GCSAML: variants seen among roughly 807,000 people sequenced by gnomAD.
GCSAML encodes the protein germinal center associated signaling and motility like.
A neutral mutation model predicts 13.0 loss-of-function variants in GCSAML; 9 were observed. The observed-to-expected ratio is 0.69, with a 90% CI of 0.42 to 1.21. The LOEUF (loss-of-function observed/expected upper bound fraction) is 1.21. Among genes scored for constraint, GCSAML ranks in the 50% most tolerant of loss-of-function variants. The pLI is 0.00. For missense variants in GCSAML, 143 were observed against 153.4 expected, an observed-to-expected ratio of 0.93 and a Z score of 0.36; for synonymous variants, 37 against 52.9, an observed-to-expected ratio of 0.70 and a Z score of 1.31.
chr1:247,513,659 T>C (rs1035513507), intron 1 of GCSAML, among the ~76,000 whole-genome samples: 3 of 152,238 alleles, frequency 2.0e-5, no homozygotes, highest in Non-Finnish European at 4.4e-5. Context: ...GGGAATCTCC[T>C]GGTCTGCAGG....
chr1:247,510,168 C>T (rs996908154), intron 1 of GCSAML, among the ~76,000 whole-genome samples: 1 of 152,156 alleles, frequency 6.6e-6, no homozygotes, highest in African/African-American at 2.4e-5. Context: ...TAATTACTGC[C>T]TCAATTTGAG....
At chr1:247,540,746 C>T (rs1475708643) in intron 2 of GCSAML, among the ~76,000 whole-genome samples, 2 of 152,174 alleles carry the variant, frequency 1.3e-5, no homozygotes, top group Non-Finnish European at 2.9e-5. Flanking sequence ...CTTTCTGCAA[C>T]GCGTCAGAAG....
At chr1:247,534,970 A>G (rs921603007) in intron 2 of GCSAML, among the ~76,000 whole-genome samples, 1 of 152,098 alleles carries the variant, frequency 6.6e-6, no homozygotes, top group Admixed American at 6.5e-5. Flanking sequence ...GGAAGCATTA[A>G]TACTATGGGA....
intron 2 of GCSAML, among the ~76,000 whole-genome samples, chr1:247,560,507 A>C (rs939660555): frequency 1.3e-5 from 2 of 152,016 alleles, no homozygotes; most frequent in Admixed American, 6.6e-5. Flanking sequence ...CATTTTCCCC[A>C]TGAAAGTTTG....
Position 247,560,855 on chromosome 1 carries a change from G to T in GCSAML, c.90-2735G>T, listed in dbSNP as rs571305317. The stretch of plus-strand genomic sequence containing the variant: ...CATATCTCAGTGTTCCATGCCATTT[G>T]TTTTTTCCCCTGTGAAGTCGGTTTT... On this transcript the variant is annotated intron_variant, in intron 2 of 4. Transcript: ENST00000366488. Among the ~76,000 whole-genome samples, 3 of 152,178 alleles carry T rather than the reference G, an allele frequency of 2.0e-5. No homozygotes were observed. In the South Asian group the frequency reaches 6.2e-4, roughly 32 times the overall value.
intron 2 of GCSAML, among the ~76,000 whole-genome samples, chr1:247,560,095 G>T (rs1030535774): frequency 1.3e-5 from 2 of 152,218 alleles, no homozygotes; most frequent in Non-Finnish European, 2.9e-5. Flanking sequence ...ACAGCATGCA[G>T]AATTGTTCCA....
chr1:247,538,817 G>A (rs1372004455), intron 2 of GCSAML: 10 of 450,998 alleles, frequency 2.2e-5, no homozygotes, highest in South Asian at 9.5e-5. Flanking sequence ...TCTGTTGCCC[G>A]CCACCACCCA....
chr1:247,511,209 G>T (rs1234507598), intron 1 of GCSAML, among the ~76,000 whole-genome samples: 4 of 152,082 alleles, frequency 2.6e-5, no homozygotes, highest in Non-Finnish European at 4.4e-5. Context: ...CTCCTATATT[G>T]GGTGCATATA....
At chr1:247,511,404 T>C (rs1392216717) in intron 1 of GCSAML, among the ~76,000 whole-genome samples, 1 of 152,210 alleles carries the variant, frequency 6.6e-6, no homozygotes, top group African/African-American at 2.4e-5. Context: ...TGAGCTTATG[T>C]GTGTCTTTGC....
chr1:247,574,089 T>A, intron 4 of GCSAML, 54 bp from the exon 5 acceptor site: 9 of 1,599,728 alleles, frequency 5.6e-6, no homozygotes, highest in Non-Finnish European at 6.8e-6. Context: ...TACACTGAGT[T>A]CAATTTATGA....
rs1368448750 is a variant in GCSAML, at chr1:247,527,097, G to C, written c.-148+43G>C. ...AGTGTATTTCCTTGGGTTCTGGAGA[G>C]GATGTCTTCATTTTCTGTTAAGCAT... On this transcript the variant is annotated intron_variant, in intron 2 of 5. Transcript: ENST00000366489. The surrounding 1 kb of genome is among the most constrained non-coding windows in gnomAD (Gnocchi z 4.6). The C allele has an allele frequency of 4.4e-6, 2 of 455,922 alleles. No homozygotes were observed. Among genetic ancestry groups the C allele is most frequent in the African/African-American group, 4.0e-5 (2 of 50,024 alleles). The allele number at this position is 455,922 out of a possible 1,614,324, so 28.2% of individuals were successfully genotyped here.
intron 3 of GCSAML, among the ~76,000 whole-genome samples, chr1:247,565,077 C>T (rs1176166): frequency 0.37 from 56,440 of 151,982 alleles, 11,716 homozygotes; most frequent in East Asian, 0.79. Flanking sequence ...AGTGAACAGA[C>T]GGCTGGGCCC....
At chr1:247,570,805 G>A (rs1668577559) in intron 4 of GCSAML, among the ~76,000 whole-genome samples, 1 of 152,076 alleles carries the variant, frequency 6.6e-6, no homozygotes, top group Admixed American at 6.5e-5. Flanking sequence ...ATTGACAGTG[G>A]GGTGTTAAAA....
intron 2 of GCSAML, chr1:247,528,103 T>C (rs1422471736): frequency 6.6e-6 from 1 of 152,180 alleles, no homozygotes. Context: ...GTCAGTAACT[T>C]GATTTCCTAC....
chr1:247,540,747 G>A (rs1374247566), intron 2 of GCSAML, among the ~76,000 whole-genome samples: 1 of 152,198 alleles, frequency 6.6e-6, no homozygotes, highest in African/African-American at 2.4e-5. Flanking sequence ...TTTCTGCAAC[G>A]CGTCAGAAGG....
intron 4 of GCSAML, among the ~76,000 whole-genome samples, chr1:247,568,978 G>A (rs1386100861): frequency 7.4e-6 from 1 of 135,674 alleles, no homozygotes; most frequent in Non-Finnish European, 1.6e-5. Context: ...AATTGTGAAT[G>A]GGAGTCCACT....
At chr1:247,522,267 C>T (rs1398261433) in intron 1 of GCSAML, among the ~76,000 whole-genome samples, 2 of 121,106 alleles carry the variant, frequency 1.7e-5, no homozygotes, top group African/African-American at 3.1e-5. Flanking sequence ...CAGCCCCCAC[C>T]CGGCTAGCCG....
chr1:247,526,870 A>G lies in GCSAML; in HGVS notation c.-262-70A>G, dbSNP rs1241680108. ...CATGTTAGCATTTTCCTCTTCATTTACTATAACTTAAATCCAAGTAAGATG... is the reference window on the plus strand; with the variant it reads ...CATGTTAGCATTTTCCTCTTCATTTGCTATAACTTAAATCCAAGTAAGATG... On this transcript the variant is annotated intron_variant, in intron 1 of 5. Transcript: ENST00000366489. This position sits in a 1 kb window ranked among gnomAD's most constrained non-coding sequence, Gnocchi z 4.8. The G allele has an allele frequency of 9.4e-6, 4 of 423,746 alleles. No individual in the cohort carries two copies. The highest frequency in any genetic ancestry group is 2.7e-5 in the Admixed American group (1 of 37,350). 26.2% of individuals were successfully genotyped at this position (423,746 alleles called of 1,614,324 possible).
chr1:247,542,308 T>A (rs1347594494), intron 2 of GCSAML, among the ~76,000 whole-genome samples: 1 of 152,016 alleles, frequency 6.6e-6, no homozygotes, highest in Non-Finnish European at 1.5e-5. Context: ...AAGAAAGAAG[T>A]AAAAAGCAAA....
Sources: allele counts gnomAD v4.1 joint callset (sites outside exome capture counted in the v4.1 genomes callset), GRCh38; gene constraint gnomAD v4.1.1; non-coding constraint Gnocchi (gnomAD v3.1); transcripts MANE v1.5; gene names NCBI Gene and HGNC (gene_info 2026-07-23, HGNC 2026-07-21).